TMEM120A: variants seen among roughly 807,000 people sequenced by gnomAD.
TMEM120A encodes ion channel TACAN.
A neutral mutation model predicts 54.3 loss-of-function variants in TMEM120A; 45 were observed. The ratio of observed to expected loss-of-function variants is 0.83; its 90% confidence interval spans 0.65 to 1.06. TMEM120A has a LOEUF of 1.06. TMEM120A is among the 50% of genes least tolerant of loss of function. The probability of loss-of-function intolerance (pLI) is 0.00; values close to 1 mark genes in which losing one functional copy is unlikely to be tolerated. For missense variants in TMEM120A, 424 were observed against 441.7 expected (o/e 0.96, Z 0.36); for synonymous variants, 204 against 178.5 (o/e 1.14, Z -1.14).
chr7:75,987,126 C>CTTG lies in TMEM120A; in HGVS notation c.*45_*46insCAA. ...GGGCGCCTCCCATCCCCTCCCACAACACACAGGACAGAAGCCCCTCTGGGC... is the reference window on the plus strand; with the variant it reads ...GGGCGCCTCCCATCCCCTCCCACAACTTGACACAGGACAGAAGCCCCTCTGGGC... On this transcript the variant is annotated 3_prime_UTR_variant, in exon 12 of 12. Transcript: ENST00000493111. 6.7e-7 allele frequency: 1 copy of CTTG among 1,502,960 alleles called. No individual in the cohort carries two copies. The highest frequency in any genetic ancestry group is 9.1e-7 in the Non-Finnish European group (1 of 1,101,026). 93.1% of individuals were successfully genotyped at this position (1,502,960 alleles called of 1,614,324 possible).
Position 75,992,108 on chromosome 7 carries a change from G to A in TMEM120A, c.317+36C>T, listed in dbSNP as rs546238057. 5,905 of 1,479,318 alleles carry A rather than the reference G, an allele frequency of 4.0e-3. 29 individuals carry two copies. The highest frequency in any genetic ancestry group is 4.7e-3 in the Non-Finnish European group (5,118 of 1,080,900). The allele number at this position is 1,479,318 out of a possible 1,614,324, so 91.6% of individuals were successfully genotyped here. A position where few individuals can be genotyped will look rare whatever the true frequency, so the allele number is the denominator to read the frequency against. Reference sequence around the variant, plus strand: ...GCAGCACCCGGCTTCAGGAGTGGCTGTGAACTGAGCTGGGGGTGGCGGTGG... The same window carrying A: ...GCAGCACCCGGCTTCAGGAGTGGCTATGAACTGAGCTGGGGGTGGCGGTGG... On this transcript the variant is annotated intron_variant, in intron 3 of 11. Coordinates refer to ENST00000493111, the MANE Select transcript of TMEM120A (RefSeq NM_031925.3).
intron 1 of TMEM120A, among the ~76,000 whole-genome samples, chr7:75,994,232 G>A (rs1466852296): frequency 3.3e-5 from 5 of 152,208 alleles, no homozygotes; most frequent in African/African-American, 9.6e-5. Flanking sequence ...GGACGGGGTC[G>A]GGGTCTGGGC....
intron 6 of TMEM120A, 52 bp from the exon 7 acceptor site, chr7:75,988,200 G>A (rs1789625440): frequency 1.2e-6 from 2 of 1,611,550 alleles, no homozygotes; most frequent in Non-Finnish European, 1.7e-6. Context: ...CTTCCCGGAG[G>A]GTCCTGGCAC....
At position 75,987,520 on chromosome 7, in the gene TMEM120A, C is replaced by T. The variant is rs1789573338; in HGVS notation, c.849+18G>A. The stretch of plus-strand genomic sequence containing the variant: ...GGACGGACAGACAGACAGGCAGGGA[C>T]ACAGAGGCACGACTTACGTGTCCAA... On this transcript the variant is annotated intron_variant, in intron 10 of 11. Coordinates refer to ENST00000493111, the MANE Select transcript of TMEM120A (RefSeq NM_031925.3). 1.3e-6 allele frequency: 2 copies of T among 1,580,680 alleles called. No individual in the cohort carries two copies. The highest frequency in any genetic ancestry group is 4.7e-5 in the East Asian group (2 of 42,826).
chr7:75,987,520 C>A lies in TMEM120A; in HGVS notation c.849+18G>T. ...GGACGGACAGACAGACAGGCAGGGA[C>A]ACAGAGGCACGACTTACGTGTCCAA... On this transcript the variant is annotated intron_variant, in intron 10 of 11. Coordinates refer to ENST00000493111, the MANE Select transcript of TMEM120A (RefSeq NM_031925.3). 1 of 1,580,798 alleles carries A rather than the reference C, an allele frequency of 6.3e-7. No homozygotes were observed. The highest frequency in any genetic ancestry group is 8.6e-7 in the Non-Finnish European group (1 of 1,164,392).
intron 2 of TMEM120A, 38 bp from the exon 3 acceptor site, chr7:75,992,298 T>TC (rs781887099): frequency 1.7e-5 from 26 of 1,562,960 alleles, no homozygotes; most frequent in Middle Eastern, 1.8e-4. Flanking sequence ...GCAAGAGGAC[T>TC]CCCAAGTGTC....
chr7:75,988,194 C>T, intron 6 of TMEM120A, 46 bp from the exon 7 acceptor site: 1 of 1,611,602 alleles, frequency 6.2e-7, no homozygotes, highest in Non-Finnish European at 8.5e-7. Context: ...TTCCTGCTTC[C>T]CGGAGGGTCC....
intron 3 of TMEM120A, among the ~76,000 whole-genome samples, chr7:75,990,316 C>A (rs1789787896): frequency 6.6e-6 from 1 of 152,090 alleles, no homozygotes; most frequent in Admixed American, 6.5e-5. Context: ...GAGCACTATG[C>A]CAGGAGCACT....
chr7:75,989,104 G>GGGTGGAGATTGAGGGGGGGA, intron 4 of TMEM120A, 61 bp downstream of exon 4: 2 of 470,618 alleles, frequency 4.2e-6, no homozygotes, highest in East Asian at 4.1e-5. Context: ...AGGGGGGGAG[G>GGGTGGAGATTGAGGGGGGGA]GGGGTAGGGG....
At position 75,987,294 on chromosome 7, in the gene TMEM120A, G is replaced by A. The variant is rs377718932; in HGVS notation, c.919-9C>T. On this transcript the variant is annotated splice_polypyrimidine_tract_variant and intron_variant, in intron 11 of 11. Transcript: ENST00000493111. ...AAGCCGCACATAAGCACCTGCCGGA[G>A]GAATAGGGTGAGGGCTGGACATGGG... 189 of 1,589,048 alleles carry A rather than the reference G, an allele frequency of 1.2e-4. No individual in the cohort carries two copies. The Middle Eastern group carries it at 3.6e-3, about 31-fold the overall frequency.
Position 75,987,828 on chromosome 7 carries a change from CAG to C in TMEM120A, c.692-20_692-19del, listed in dbSNP as rs782389851. On this transcript the variant is annotated intron_variant, in intron 8 of 11. Transcript: ENST00000493111. ...CACGAAGCCTGGGCCGGGCGGAGGACAGAGGAGCAGGGCTGAGCCCCGGGAGG... is the reference window on the plus strand; with the variant it reads ...CACGAAGCCTGGGCCGGGCGGAGGACAGGAGCAGGGCTGAGCCCCGGGAGG... The C allele has an allele frequency of 3.2e-5, 51 of 1,609,196 alleles. No homozygotes were observed. In the African/African-American group the frequency reaches 6.0e-4, roughly 19 times the overall value.
intron 1 of TMEM120A, among the ~76,000 whole-genome samples, 174 bp downstream of exon 1, chr7:75,994,316 G>A (rs1392231812): frequency 6.6e-6 from 1 of 152,106 alleles, no homozygotes; most frequent in Non-Finnish European, 1.5e-5. Context: ...CCGGACACTG[G>A]AGGTGGTGGC....
chr7:75,990,329 G>A (rs1554561587), intron 3 of TMEM120A, among the ~76,000 whole-genome samples: 2 of 152,042 alleles, frequency 1.3e-5, no homozygotes, highest in Non-Finnish European at 2.9e-5. Context: ...GGAGCACTGT[G>A]CCGGGAGCAC....
chr7:75,990,538 T>C (rs960053600), intron 3 of TMEM120A, among the ~76,000 whole-genome samples: 5 of 152,000 alleles, frequency 3.3e-5, no homozygotes, highest in Non-Finnish European at 5.9e-5. Flanking sequence ...CCAGTGCTAA[T>C]TTCCAGTTCC....
Position 75,987,526 on chromosome 7 carries a change from G to A in TMEM120A, c.849+12C>T, listed in dbSNP as rs372225303. On this transcript the variant is annotated intron_variant, in intron 10 of 11. Coordinates refer to ENST00000493111, the MANE Select transcript of TMEM120A (RefSeq NM_031925.3). ...ACAGACAGACAGGCAGGGACACAGAGGCACGACTTACGTGTCCAAAGAAAA... is the reference window on the plus strand; with the variant it reads ...ACAGACAGACAGGCAGGGACACAGAAGCACGACTTACGTGTCCAAAGAAAA... 1.2e-4 allele frequency: 183 copies of A among 1,583,628 alleles called. 1 individual carries two copies. Among genetic ancestry groups the A allele is most frequent in the Admixed American group, 5.6e-4 (31 of 55,222 alleles).
rs1028117665 is a variant in TMEM120A at position 75,988,240 on chromosome 7, C to T, written c.563+12G>A. 47 of 1,611,758 alleles carry T rather than the reference C, an allele frequency of 2.9e-5. No homozygotes were observed. Among genetic ancestry groups the T allele is most frequent in the Admixed American group, 1.0e-4 (6 of 60,002 alleles). Reference sequence around the variant, plus strand: ...TTCCATGCTCCCCTCCCTCAGGGCCCGCCCTGCCCACCGGGAGCCGTTGTT... The same window carrying T: ...TTCCATGCTCCCCTCCCTCAGGGCCTGCCCTGCCCACCGGGAGCCGTTGTT... On this transcript the variant is annotated intron_variant, in intron 6 of 11. Coordinates refer to ENST00000493111, the MANE Select transcript of TMEM120A (RefSeq NM_031925.3).
Position 75,987,521 on chromosome 7 carries a change from A to G in TMEM120A, c.849+17T>C. On this transcript the variant is annotated intron_variant, in intron 10 of 11. Transcript: ENST00000493111. ...GACGGACAGACAGACAGGCAGGGACACAGAGGCACGACTTACGTGTCCAAA... is the reference window on the plus strand; with the variant it reads ...GACGGACAGACAGACAGGCAGGGACGCAGAGGCACGACTTACGTGTCCAAA... The G allele has an allele frequency of 2.5e-6, 4 of 1,581,860 alleles. No homozygotes were observed. In the South Asian group the frequency reaches 4.6e-5, roughly 18 times the overall value.
rs542689284 is a variant in TMEM120A, at chr7:75,987,896, C to G, written c.691+27G>C. 6.3e-4 allele frequency: 1,010 copies of G among 1,599,850 alleles called. 8 individuals are homozygous for G. The South Asian group carries it at 1.0e-2, about 16-fold the overall frequency. ...CCCCCCACCACGGGTGCCTCCAGGG[C>G]TCAGCACAGACATCTGGGACACTCA... On this transcript the variant is annotated intron_variant, in intron 8 of 11. Transcript: ENST00000493111.
At chr7:75,993,967 C>T (rs1270818658) in intron 1 of TMEM120A, among the ~76,000 whole-genome samples, 1 of 146,520 alleles carries the variant, frequency 6.8e-6, no homozygotes, top group Non-Finnish European at 1.5e-5. Context: ...TCCCACCCGT[C>T]CCACCCCTCC....
Sources: gnomAD v4.1 joint callset for allele counts (sites outside exome capture counted in the v4.1 genomes callset) on GRCh38, gnomAD v4.1.1 for gene constraint, MANE v1.5 for transcripts, NCBI Gene and HGNC (gene_info 2026-07-23, HGNC 2026-07-21) for gene names.